PVT1: variants seen among roughly 807,000 people sequenced by gnomAD.
PVT1 encodes Pvt1 oncogene.
At chr8:128,014,546 A>G (rs1817350107) in intron 4 of PVT1, among the ~76,000 whole-genome samples, 1 of 152,222 alleles carries the variant, frequency 6.6e-6, no homozygotes, top group Non-Finnish European at 1.5e-5. Context: ...GCTTCTGTGA[A>G]GCCGCCTGGC....
chr8:127,917,345 A>C (rs1722637421), intron 3 of PVT1, among the ~76,000 whole-genome samples: 3 of 152,236 alleles, frequency 2.0e-5, no homozygotes, highest in Admixed American at 1.3e-4. Context: ...AGATACTGGA[A>C]TAGAAGGCAA....
chr8:127,902,908 T>C (rs1815776517), intron 3 of PVT1, among the ~76,000 whole-genome samples: 1 of 152,222 alleles, frequency 6.6e-6, no homozygotes, highest in South Asian at 2.1e-4. Flanking sequence ...TGGGTGCGTG[T>C]GTACTTTTGG....
intron 3 of PVT1, among the ~76,000 whole-genome samples, chr8:127,983,263 A>T (rs981565302): frequency 6.6e-6 from 1 of 152,144 alleles, no homozygotes; most frequent in African/African-American, 2.4e-5. Context: ...AGTAGTAGCC[A>T]TCCATTTTTC....
intron 3 of PVT1, among the ~76,000 whole-genome samples, chr8:127,912,822 A>G (rs1001993225): frequency 2.0e-5 from 3 of 151,932 alleles, no homozygotes; most frequent in African/African-American, 7.3e-5. Flanking sequence ...TCAGCCTTCC[A>G]AGTAGCTGGG....
intron 3 of PVT1, among the ~76,000 whole-genome samples, chr8:127,904,238 G>A (rs1815793197): frequency 6.6e-6 from 1 of 152,174 alleles, no homozygotes; most frequent in South Asian, 2.1e-4. Context: ...GTATGCAGTA[G>A]GGGCATTTCA....
At chr8:127,802,089 A>G (rs1814471655) in intron 2 of PVT1, among the ~76,000 whole-genome samples, 2 of 151,636 alleles carry the variant, frequency 1.3e-5, no homozygotes, top group African/African-American at 4.8e-5. Context: ...CTAATTTTGT[A>G]TTTTTAGTAG....
intron 5 of PVT1, among the ~76,000 whole-genome samples, chr8:128,081,428 C>T (rs1814175994): frequency 6.6e-6 from 1 of 152,208 alleles, no homozygotes; most frequent in Admixed American, 6.5e-5. Context: ...TATTGGATCA[C>T]ATGGTGAGAC....
intron 2 of PVT1, among the ~76,000 whole-genome samples, chr8:127,812,741 C>T (rs1242440162): frequency 2.0e-5 from 3 of 151,078 alleles, no homozygotes; most frequent in Non-Finnish European, 3.0e-5. Context: ...AGGAAAAAAC[C>T]GGTCGGCTAT....
chr8:127,992,123 C>T (rs139422812), intron 4 of PVT1, among the ~76,000 whole-genome samples: 2,919 of 151,830 alleles, frequency 0.019, 42 homozygotes, highest in South Asian at 0.035. Context: ...CAGTGGCTCA[C>T]GCCTGTAATT....
At chr8:128,075,193 T>C (rs1814069421) in intron 5 of PVT1, among the ~76,000 whole-genome samples, 1 of 152,228 alleles carries the variant, frequency 6.6e-6, no homozygotes, top group African/African-American at 2.4e-5. Flanking sequence ...TTTTGGCCTT[T>C]GGATTTCCCG....
At chr8:127,891,883 A>C (rs1042741936) in intron 3 of PVT1, among the ~76,000 whole-genome samples, 5 of 152,220 alleles carry the variant, frequency 3.3e-5, no homozygotes, top group African/African-American at 7.2e-5. Flanking sequence ...GGGAGGGAGC[A>C]GCTGGGTTGG....
At chr8:127,903,734 T>C (rs1031991687) in intron 3 of PVT1, among the ~76,000 whole-genome samples, 3 of 152,248 alleles carry the variant, frequency 2.0e-5, no homozygotes, top group Non-Finnish European at 2.9e-5. Context: ...CAGATGGTTG[T>C]AGATAAGTGG....
At chr8:128,088,889 G>A (rs1417631477) in intron 5 of PVT1, among the ~76,000 whole-genome samples, 1 of 152,244 alleles carries the variant, frequency 6.6e-6, no homozygotes, top group Non-Finnish European at 1.5e-5. Flanking sequence ...TCACTCTGCA[G>A]TGAGCTCAGA....
intron 2 of PVT1, among the ~76,000 whole-genome samples, chr8:127,880,425 G>T (rs2129784973): frequency 6.6e-6 from 1 of 151,170 alleles, no homozygotes; most frequent in Admixed American, 6.6e-5. Flanking sequence ...GAGTAGCTGG[G>T]ACTACAGGCG....
In PVT1 at chr8:128,085,032, C is replaced by A. The variant is rs532370139; in HGVS notation, n.1115-11486C>A. Reference sequence around the variant, plus strand: ...ATGACCTTGTTCCTTGATATTCTTTCCATTGAAAGATGGGATATATGACTT... The same window carrying A: ...ATGACCTTGTTCCTTGATATTCTTTACATTGAAAGATGGGATATATGACTT... On this transcript the variant is annotated intron_variant and non_coding_transcript_variant, in intron 5 of 10. Coordinates refer to ENST00000651587, the Ensembl canonical transcript of PVT1. 5.3e-5 allele frequency among the ~76,000 whole-genome samples: 8 copies of A among 152,326 alleles called. No homozygotes were observed. In the East Asian group the frequency reaches 1.2e-3, roughly 22 times the overall value.
intron 2 of PVT1, among the ~76,000 whole-genome samples, chr8:127,845,360 AG>A (rs1815020141): frequency 6.6e-6 from 1 of 152,136 alleles, no homozygotes; most frequent in South Asian, 2.1e-4. Flanking sequence ...CCTATAGAAG[AG>A]GGAGATCCTC....
At chr8:127,888,499 T>A (rs931767040) in intron 2 of PVT1, among the ~76,000 whole-genome samples, 1 of 152,232 alleles carries the variant, frequency 6.6e-6, no homozygotes, top group African/African-American at 2.4e-5. Context: ...GCGAATATGT[T>A]GCATGTCAAA....
intron 4 of PVT1, chr8:127,999,306 A>T (rs925680997): frequency 2.6e-5 from 4 of 152,344 alleles, no homozygotes; most frequent in Admixed American, 6.5e-5. Flanking sequence ...AAAAATTTTT[A>T]AAAATAAATA....
At chr8:127,825,848 TTTA>T (rs1814781688) in intron 2 of PVT1, among the ~76,000 whole-genome samples, 1 of 151,962 alleles carries the variant, frequency 6.6e-6, no homozygotes, top group Admixed American at 6.6e-5. Flanking sequence ...TCTTTATTTA[TTTA>T]TTATTTATTT....
Sources: gnomAD v4.1 joint callset for allele counts (sites outside exome capture counted in the v4.1 genomes callset) on GRCh38, gnomAD v4.1.1 for gene constraint, MANE v1.5 for transcripts, NCBI Gene and HGNC (gene_info 2026-07-23, HGNC 2026-07-21) for gene names.